Variants in PPP1R42 observed in about 807,000 individuals in gnomAD.
PPP1R42 encodes leucine rich repeat containing 67.
In PPP1R42, 34 loss-of-function variants were observed where a neutral mutation model predicts 31.0. The ratio of observed to expected loss-of-function variants is 1.10; its 90% CI spans 0.83 to 1.46. PPP1R42 has a LOEUF of 1.46. Among genes scored for constraint, PPP1R42 ranks in the 40% most tolerant of loss-of-function variants. The probability of loss-of-function intolerance (pLI) is 0.00; values close to 1 mark genes in which losing one functional copy is unlikely to be tolerated. For synonymous variants in PPP1R42, 103 were observed against 109.8 expected (o/e 0.94, Z 0.39); for missense variants, 268 against 303.0 (o/e 0.88, Z 0.86).
rs373326215 is a variant in PPP1R42, at chr8:66,978,530, C to T, written c.802+3519G>A. ...CTGCCTCCTGGGTTCAAGCGATTCTCGTGCCTCAGCCTTCCAAGTAGCTGG... is the reference window on the plus strand; with the variant it reads ...CTGCCTCCTGGGTTCAAGCGATTCTTGTGCCTCAGCCTTCCAAGTAGCTGG... On this transcript the variant is annotated intron_variant, in intron 7 of 7. Transcript: ENST00000685739. Among the ~76,000 whole-genome samples, 58 of 152,230 alleles carry T rather than the reference C, an allele frequency of 3.8e-4. No homozygotes were observed. In the East Asian group the frequency reaches 9.3e-3, roughly 24 times the overall value.
chr8:66,984,157 T>G, intron 6 of PPP1R42: 2 of 1,593,428 alleles, frequency 1.3e-6, no homozygotes, highest in Non-Finnish European at 1.7e-6. Flanking sequence ...CTACACAGAT[T>G]CACTCAGCGC....
chr8:66,995,013 CT>C (rs1815294007), intron 5 of PPP1R42, among the ~76,000 whole-genome samples: 1 of 152,150 alleles, frequency 6.6e-6, no homozygotes, highest in African/African-American at 2.4e-5. Flanking sequence ...ATGTCCATTT[CT>C]TTTTCCCCAT....
intron 7 of PPP1R42, among the ~76,000 whole-genome samples, chr8:66,967,134 A>G (rs935789402): frequency 6.6e-6 from 1 of 151,858 alleles, no homozygotes; most frequent in Non-Finnish European, 1.5e-5. Context: ...AAGCTACTAC[A>G]CCTGAATTTT....
intron 7 of PPP1R42, among the ~76,000 whole-genome samples, chr8:66,971,686 AAAAG>A (rs1433334997): frequency 6.6e-6 from 1 of 152,222 alleles, no homozygotes; most frequent in African/African-American, 2.4e-5. Flanking sequence ...GAAGTGCTAT[AAAAG>A]AAAGGGCTAA....
At chr8:66,966,048 G>A (rs1478687190) in intron 7 of PPP1R42, among the ~76,000 whole-genome samples, 1 of 152,152 alleles carries the variant, frequency 6.6e-6, no homozygotes, top group East Asian at 1.9e-4. Flanking sequence ...AGCATTACCA[G>A]CTTTTGTTTT....
chr8:66,966,031 C>T (rs781196927), intron 7 of PPP1R42, among the ~76,000 whole-genome samples: 4 of 152,212 alleles, frequency 2.6e-5, no homozygotes. Context: ...TGCTCCCTAT[C>T]CTAGCCAGCA....
intron 1 of PPP1R42, among the ~76,000 whole-genome samples, chr8:67,025,734 G>A (rs1470113825): frequency 6.6e-6 from 1 of 152,170 alleles, no homozygotes; most frequent in African/African-American, 2.4e-5. Context: ...GCCGGGTGCG[G>A]TGGCTCATGC....
At position 66,971,828 on chromosome 8, in the gene PPP1R42, T is replaced by A. The variant is rs1814545355; in HGVS notation, c.803-7494A>T. Among the ~76,000 whole-genome samples the A allele has an allele frequency of 2.6e-5, 4 of 152,334 alleles. No individual in the cohort carries two copies. In the South Asian group the frequency reaches 8.3e-4, roughly 32 times the overall value. On this transcript the variant is annotated intron_variant, in intron 7 of 7. Transcript: ENST00000685739. ...TTGTAAGATCCTTGAAGTTAGAGGTTATAATAATTCCTATAATTTTACCAT... is the reference window on the plus strand; with the variant it reads ...TTGTAAGATCCTTGAAGTTAGAGGTAATAATAATTCCTATAATTTTACCAT...
chr8:66,971,954 C>G (rs1028193022), intron 7 of PPP1R42, among the ~76,000 whole-genome samples: 8 of 152,188 alleles, frequency 5.3e-5, no homozygotes, highest in Non-Finnish European at 8.8e-5. Context: ...TTCCTGTTCC[C>G]TTACAATGTA....
chr8:66,968,610 T>C (rs1268253413), intron 7 of PPP1R42: 1 of 362,748 alleles, frequency 2.8e-6, no homozygotes, highest in African/African-American at 2.2e-5. Flanking sequence ...ATTTTGTTTT[T>C]AACACTTTAC....
intron 5 of PPP1R42, among the ~76,000 whole-genome samples, chr8:66,995,369 G>A (rs966873127): frequency 2.6e-5 from 4 of 152,166 alleles, no homozygotes; most frequent in African/African-American, 7.2e-5. Context: ...TTAATTGTTT[G>A]TGTCTTCATG....
At chr8:66,991,633 C>T (rs1045400447) in intron 5 of PPP1R42, among the ~76,000 whole-genome samples, 2 of 152,184 alleles carry the variant, frequency 1.3e-5, no homozygotes, top group Admixed American at 6.5e-5. Context: ...TTCTTCTTTT[C>T]CATTTTTCTC....
intron 6 of PPP1R42, among the ~76,000 whole-genome samples, chr8:66,982,570 C>A (rs1165084953): frequency 2.0e-5 from 3 of 152,018 alleles, no homozygotes; most frequent in Non-Finnish European, 4.4e-5. Flanking sequence ...GATCCTCCCA[C>A]CTCAGCCTCC....
At chr8:67,028,095 G>A (rs1006454492) in intron 1 of PPP1R42, among the ~76,000 whole-genome samples, 3 of 152,164 alleles carry the variant, frequency 2.0e-5, no homozygotes, top group Non-Finnish European at 4.4e-5. Context: ...AGTGGACAAC[G>A]TTTTCTGAAT....
At chr8:66,971,072 A>T in intron 7 of PPP1R42, 1 of 1,534,122 alleles carries the variant, frequency 6.5e-7, no homozygotes, top group African/African-American at 1.4e-5. Flanking sequence ...TCAGAGAAAA[A>T]GGCTAATTTT....
chr8:66,984,304 G>C, intron 6 of PPP1R42: 1 of 1,330,778 alleles, frequency 7.5e-7, no homozygotes, highest in Non-Finnish European at 1.1e-6. Flanking sequence ...ACATTTGTTG[G>C]TTTTCTTCAC....
rs1816470214 is a variant in PPP1R42, at chr8:67,028,501, A to G, written c.-95T>C. The G allele has an allele frequency of 1.0e-6, 1 of 985,364 alleles. No individual in the cohort carries two copies. The highest frequency in any genetic ancestry group is 6.2e-5 in the Admixed American group (1 of 16,258). The allele number at this position is 985,364 out of a possible 1,614,324, so 61.0% of individuals were successfully genotyped here. On this transcript the variant is annotated 5_prime_UTR_variant, in exon 1 of 8. Coordinates refer to ENST00000685739, the MANE Select transcript of PPP1R42 (RefSeq NM_001364910.1). ...CCGCGGGCAGCTCACCGCTCGCGGGACAGTCCGGTAGCTAACTCCAGTTTG... is the reference window on the plus strand; with the variant it reads ...CCGCGGGCAGCTCACCGCTCGCGGGGCAGTCCGGTAGCTAACTCCAGTTTG...
At chr8:66,988,372 TA>T in intron 6 of PPP1R42, 27 bp downstream of exon 6, 1 of 1,354,298 alleles carries the variant, frequency 7.4e-7, no homozygotes, top group South Asian at 2.1e-5. Context: ...GTCATTCTCT[TA>T]AAAATTATAT....
At chr8:67,028,245 C>G (rs1177221010) in intron 1 of PPP1R42, among the ~76,000 whole-genome samples, 1 of 152,190 alleles carries the variant, frequency 6.6e-6, no homozygotes, top group Non-Finnish European at 1.5e-5. Flanking sequence ...GCTTCCTCAG[C>G]CCCGCGACCA....
Sources: gnomAD v4.1 joint callset for allele counts (sites outside exome capture counted in the v4.1 genomes callset) on GRCh38, gnomAD v4.1.1 for gene constraint, MANE v1.5 for transcripts, NCBI Gene and HGNC (gene_info 2026-07-23, HGNC 2026-07-21) for gene names.